The following NFE2L2 variants were observed in gnomAD, a reference collection of about 807,000 sequenced individuals.
NFE2L2 encodes NFE2 like bZIP transcription factor 2.
In NFE2L2, 20 loss-of-function variants were observed where a neutral mutation model predicts 49.6. The observed-to-expected ratio is 0.40, with a 90% CI of 0.28 to 0.59. The LOEUF is 0.59. Among genes scored for constraint, NFE2L2 ranks in the 20% least tolerant of loss-of-function variants. NFE2L2 has a pLI of 0.40. For missense variants in NFE2L2, 578 were observed against 714.2 expected (o/e 0.81, Z 2.17); for synonymous variants, 244 against 256.5 (o/e 0.95, Z 0.47).
At chr2:177,253,692 C>T (rs1690419749) in intron 1 of NFE2L2, among the ~76,000 whole-genome samples, 1 of 152,150 alleles carries the variant, frequency 6.6e-6, no homozygotes, top group African/African-American at 2.4e-5. Flanking sequence ...GTCCCAACTA[C>T]TAGTCATAGA....
At chr2:177,259,621 G>C (rs1387742008) in intron 1 of NFE2L2, among the ~76,000 whole-genome samples, 1 of 151,486 alleles carries the variant, frequency 6.6e-6, no homozygotes, top group African/African-American at 2.4e-5. Flanking sequence ...TTCATGTCTA[G>C]GGTATAGTCT....
At chr2:177,253,792 A>G (rs1440548696) in intron 1 of NFE2L2, among the ~76,000 whole-genome samples, 6 of 152,252 alleles carry the variant, frequency 3.9e-5, no homozygotes, top group Non-Finnish European at 7.3e-5. Context: ...CTTAAGAACT[A>G]TTAACACTCA....
intron 1 of NFE2L2, chr2:177,263,796 A>G: frequency 6.1e-6 from 6 of 985,446 alleles, no homozygotes; most frequent in Non-Finnish European, 7.2e-6. Context: ...CCCGGCCGAG[A>G]AAGTGCGCGG....
At chr2:177,238,579 T>C (rs1426105331) in intron 1 of NFE2L2, among the ~76,000 whole-genome samples, 1 of 152,248 alleles carries the variant, frequency 6.6e-6, no homozygotes, top group African/African-American at 2.4e-5. Flanking sequence ...GTTTACATGT[T>C]GACAGTGATA....
intron 1 of NFE2L2, among the ~76,000 whole-genome samples, chr2:177,235,392 G>A (rs558262997): frequency 3.9e-5 from 6 of 152,182 alleles, no homozygotes; most frequent in Middle Eastern, 3.4e-3. Flanking sequence ...AGCTATGATC[G>A]TGTCACTGCA....
chr2:177,237,779 A>G (rs547477531), intron 1 of NFE2L2, among the ~76,000 whole-genome samples: 2 of 152,270 alleles, frequency 1.3e-5, no homozygotes, highest in South Asian at 4.1e-4. Context: ...TCGGCCTCCC[A>G]AAGTGCTGGG....
chr2:177,259,879 C>T (rs975183018), intron 1 of NFE2L2, among the ~76,000 whole-genome samples: 3 of 151,880 alleles, frequency 2.0e-5, no homozygotes, highest in South Asian at 4.1e-4. Context: ...TTGCAGTGAG[C>T]GGAGATCATG....
At chr2:177,264,321 C>G (rs1447087892) in intron 1 of NFE2L2, 2 of 505,266 alleles carry the variant, frequency 4.0e-6, no homozygotes, top group African/African-American at 4.1e-5. Flanking sequence ...CGCCCTCGGG[C>G]TCGTGGTCGG....
At chr2:177,253,598 G>A (rs988125169) in intron 1 of NFE2L2, among the ~76,000 whole-genome samples, 4 of 152,122 alleles carry the variant, frequency 2.6e-5, no homozygotes, top group Admixed American at 6.5e-5. Flanking sequence ...TAACAATTCA[G>A]TATTTTCATT....
chr2:177,251,556 T>C (rs185889362), intron 1 of NFE2L2, among the ~76,000 whole-genome samples: 1,573 of 152,288 alleles, frequency 0.01, 13 homozygotes, highest in Non-Finnish European at 0.014. Context: ...TCTGCCATTC[T>C]AGGGCACACA....
chr2:177,255,749 C>G (rs1690495128), intron 1 of NFE2L2, among the ~76,000 whole-genome samples: 2 of 151,888 alleles, frequency 1.3e-5, no homozygotes, highest in African/African-American at 2.4e-5. Flanking sequence ...TTTGAGGAGA[C>G]AGTGTCTCAA....
intron 1 of NFE2L2, among the ~76,000 whole-genome samples, chr2:177,255,663 T>C (rs10188193): frequency 0.88 from 133,894 of 152,156 alleles, 59,037 homozygotes; most frequent in African/African-American, 0.91. Context: ...GGGCTCAAGC[T>C]ATTCTTCCAC....
intron 1 of NFE2L2, among the ~76,000 whole-genome samples, chr2:177,239,949 T>TAAA (rs57941264): frequency 7.4e-6 from 1 of 135,420 alleles, no homozygotes; most frequent in Admixed American, 7.3e-5. Context: ...AGCTTTATGT[T>TAAA]AAAAAAAAAA....
intron 1 of NFE2L2, among the ~76,000 whole-genome samples, chr2:177,235,436 C>CATAAATAA (rs1218483618): frequency 2.0e-5 from 3 of 151,602 alleles, no homozygotes; most frequent in African/African-American, 4.9e-5. Context: ...GACCCTGTCT[C>CATAAATAA]ATAAATAAAT....
At chr2:177,236,514 A>G (rs978878122) in intron 1 of NFE2L2, among the ~76,000 whole-genome samples, 1 of 152,232 alleles carries the variant, frequency 6.6e-6, no homozygotes, top group Non-Finnish European at 1.5e-5. Context: ...TTACATATAG[A>G]AACTATTCCT....
At chr2:177,260,994 G>A (rs58493972) in intron 1 of NFE2L2, among the ~76,000 whole-genome samples, 33,249 of 151,626 alleles carry the variant, frequency 0.22, 3,990 homozygotes, top group African/African-American at 0.29. Flanking sequence ...TGGCCAACAT[G>A]GTAAAACCCC....
intron 1 of NFE2L2, among the ~76,000 whole-genome samples, chr2:177,255,414 G>C (rs1215363525): frequency 6.6e-6 from 1 of 152,170 alleles, no homozygotes; most frequent in Non-Finnish European, 1.5e-5. Flanking sequence ...TGGAGGATAA[G>C]ATACAACCTG....
intron 1 of NFE2L2, among the ~76,000 whole-genome samples, chr2:177,235,011 G>A (rs1381806296): frequency 6.6e-6 from 1 of 152,124 alleles, no homozygotes; most frequent in African/African-American, 2.4e-5. Flanking sequence ...AGCTACTCAG[G>A]AGGCTGAGGC....
At chr2:177,248,296 G>A (rs1690207331) in intron 1 of NFE2L2, among the ~76,000 whole-genome samples, 1 of 152,096 alleles carries the variant, frequency 6.6e-6, no homozygotes, top group Admixed American at 6.5e-5. Context: ...TAAATATTAG[G>A]AATTACTTTG....
Sources: allele counts gnomAD v4.1 joint callset (sites outside exome capture counted in the v4.1 genomes callset), GRCh38; gene constraint gnomAD v4.1.1; transcripts MANE v1.5; gene names NCBI Gene and HGNC (gene_info 2026-07-23, HGNC 2026-07-21).